The following EHBP1 variants were observed in gnomAD, a reference collection of about 807,000 sequenced individuals.
The protein encoded by EHBP1 is EH domain binding protein 1, also known as EH domain-binding protein 1.
EHBP1 carries 55 observed loss-of-function variants against 144.0 expected under a neutral mutation model. The observed-to-expected ratio is 0.38, with a 90% confidence interval of 0.31 to 0.48. The LOEUF (loss-of-function observed/expected upper bound fraction) is 0.48. Among genes scored for constraint, EHBP1 ranks in the 20% least tolerant of loss-of-function variants. The pLI is 0.98. For synonymous variants in EHBP1, 469 were observed against 472.7 expected, an observed-to-expected ratio of 0.99 and a Z score of 0.10; for missense variants, 1,200 against 1,364.2, an observed-to-expected ratio of 0.88 and a Z score of 1.90.
chr2:62,757,142 A>G (rs933927738), intron 3 of EHBP1, among the ~76,000 whole-genome samples: 1 of 152,094 alleles, frequency 6.6e-6, no homozygotes, highest in Non-Finnish European at 1.5e-5. Flanking sequence ...AAATATATAT[A>G]TATTTTAAGA....
At chr2:62,910,784 T>C (rs1574016798) in intron 10 of EHBP1, among the ~76,000 whole-genome samples, 1 of 152,332 alleles carries the variant, frequency 6.6e-6, no homozygotes, top group East Asian at 1.9e-4. Flanking sequence ...GGTCCTGCCC[T>C]AATATTTTGA....
rs557107859 is a variant in EHBP1, at chr2:62,810,792, A to G, written c.313-15295A>G. Among the ~76,000 whole-genome samples, 9 of 152,360 alleles carry G rather than the reference A, an allele frequency of 5.9e-5. No individual in the cohort carries two copies. In the South Asian group the frequency reaches 1.7e-3, roughly 28 times the overall value. On this transcript the variant is annotated intron_variant, in intron 5 of 22. Coordinates refer to ENST00000431489, the MANE Select transcript of EHBP1 (RefSeq NM_001142616.3). ...ATGGAAGCTAAGTTTAAGATCTGCT[A>G]GTTTTGTTTCTTGTTTAAGGTTAAA...
chr2:63,044,291 C>T (rs919118672), intron 21 of EHBP1: 1 of 148,788 alleles, frequency 6.7e-6, no homozygotes, highest in African/African-American at 2.5e-5. Context: ...GCCCCCCATC[C>T]ATGGAAAGAG....
intron 10 of EHBP1, among the ~76,000 whole-genome samples, chr2:62,900,450 C>G (rs887596133): frequency 2.6e-5 from 4 of 151,770 alleles, no homozygotes; most frequent in Non-Finnish European, 5.9e-5. Flanking sequence ...GGTGAGACCC[C>G]ATCTTCACAA....
At chr2:62,963,713 A>T (rs1001214586) in intron 14 of EHBP1, among the ~76,000 whole-genome samples, 3 of 152,226 alleles carry the variant, frequency 2.0e-5, no homozygotes, top group African/African-American at 7.2e-5. Flanking sequence ...CTTATTAAAA[A>T]ATCTAAGACC....
intron 19 of EHBP1, among the ~76,000 whole-genome samples, chr2:63,022,460 A>G (rs1420408392): frequency 1.3e-5 from 2 of 151,960 alleles, no homozygotes; most frequent in Non-Finnish European, 2.9e-5. Flanking sequence ...GACTACAGAC[A>G]TGCACCACCA....
intron 10 of EHBP1, among the ~76,000 whole-genome samples, chr2:62,924,916 C>G (rs545457143): frequency 5.3e-5 from 8 of 152,274 alleles, no homozygotes; most frequent in African/African-American, 1.9e-4. Context: ...CACTACAGAC[C>G]AGTATCCCTG....
At chr2:62,802,464 C>A (rs901087688) in intron 5 of EHBP1, among the ~76,000 whole-genome samples, 1 of 152,074 alleles carries the variant, frequency 6.6e-6, no homozygotes, top group African/African-American at 2.4e-5. Flanking sequence ...CTGCCTCTCA[C>A]CTTAATGTCT....
At chr2:62,986,479 T>G (rs1287913488) in intron 15 of EHBP1, among the ~76,000 whole-genome samples, 1 of 151,040 alleles carries the variant, frequency 6.6e-6, no homozygotes, top group Non-Finnish European at 1.5e-5. Context: ...GTTTTGCTCT[T>G]TCACCCAGGC....
chr2:62,776,148 A>G (rs1573288592), intron 5 of EHBP1, among the ~76,000 whole-genome samples: 1 of 152,302 alleles, frequency 6.6e-6, no homozygotes, highest in East Asian at 1.9e-4. Flanking sequence ...ATTTTTTCTC[A>G]AGGCAACCTT....
intron 10 of EHBP1, among the ~76,000 whole-genome samples, chr2:62,884,829 T>G (rs1034517258): frequency 2.6e-5 from 4 of 152,176 alleles, no homozygotes; most frequent in African/African-American, 9.7e-5. Context: ...TAATTGACAT[T>G]TTGATATGAA....
intron 1 of EHBP1, among the ~76,000 whole-genome samples, chr2:62,700,558 C>A (rs1451934840): frequency 2.6e-5 from 4 of 152,176 alleles, no homozygotes; most frequent in African/African-American, 9.7e-5. Flanking sequence ...TTTGGATCAT[C>A]AGCAAGGACT....
At chr2:62,838,198 G>A (rs961749967) in intron 7 of EHBP1, among the ~76,000 whole-genome samples, 23 of 152,192 alleles carry the variant, frequency 1.5e-4, no homozygotes, top group South Asian at 6.2e-4. Context: ...ACTCAAAGCC[G>A]CTCAACTACA....
chr2:62,887,110 A>G (rs1028396740), intron 10 of EHBP1, among the ~76,000 whole-genome samples: 3 of 152,188 alleles, frequency 2.0e-5, no homozygotes, highest in Admixed American at 6.5e-5. Context: ...TAGATCTATA[A>G]TAGATTACTA....
intron 10 of EHBP1, among the ~76,000 whole-genome samples, chr2:62,926,425 A>T (rs575237123): frequency 6.6e-6 from 1 of 152,252 alleles, no homozygotes; most frequent in Non-Finnish European, 1.5e-5. Flanking sequence ...ATATTTGCAA[A>T]CTACTCATTC....
At chr2:62,969,404 T>G (rs182050305) in intron 14 of EHBP1, among the ~76,000 whole-genome samples, 68 of 152,278 alleles carry the variant, frequency 4.5e-4, no homozygotes, top group African/African-American at 1.5e-3. Context: ...ATGCTACAAT[T>G]AAAAAGAATA....
intron 1 of EHBP1, among the ~76,000 whole-genome samples, chr2:62,692,769 G>C (rs1262124648): frequency 6.6e-6 from 1 of 151,480 alleles, no homozygotes; most frequent in Non-Finnish European, 1.5e-5. Context: ...CACATAGTAG[G>C]TGTATATATT....
chr2:62,803,460 C>A (rs566030541), intron 5 of EHBP1, among the ~76,000 whole-genome samples: 21 of 152,284 alleles, frequency 1.4e-4, no homozygotes, highest in African/African-American at 4.6e-4. Flanking sequence ...TACCACATTT[C>A]TTAATTTTTG....
intron 10 of EHBP1, among the ~76,000 whole-genome samples, chr2:62,896,862 A>G (rs1339984085): frequency 6.6e-6 from 1 of 152,092 alleles, no homozygotes; most frequent in East Asian, 1.9e-4. Context: ...AGTCACTCAC[A>G]TCTTGCCAAG....
Sources: gnomAD v4.1 joint callset for allele counts (sites outside exome capture counted in the v4.1 genomes callset) on GRCh38, gnomAD v4.1.1 for gene constraint, MANE v1.5 for transcripts, NCBI Gene and HGNC (gene_info 2026-07-23, HGNC 2026-07-21) for gene names.